Variants in PCDH9 observed in about 807,000 individuals in gnomAD.
PCDH9 encodes the protein protocadherin-9.
A neutral mutation model predicts 70.6 loss-of-function variants in PCDH9; 24 were observed. The observed-to-expected ratio is 0.34, with a 90% CI of 0.25 to 0.48. The LOEUF (loss-of-function observed/expected upper bound fraction) is 0.48, where lower values mean the gene tolerates loss of function less well. Ranked by LOEUF, PCDH9 falls within the 20% of genes least tolerant of loss-of-function variation. PCDH9 has a pLI of 0.99. For missense variants in PCDH9, 1,281 were observed against 1,503.6 expected (o/e 0.85, Z 2.45); for synonymous variants, 562 against 558.5 (o/e 1.01, Z -0.09).
intron 4 of PCDH9, among the ~76,000 whole-genome samples, chr13:66,625,985 A>G (rs2077493392): frequency 6.6e-6 from 1 of 152,120 alleles, no homozygotes; most frequent in South Asian, 2.1e-4. Context: ...TTTATAATTC[A>G]TTGATTAGAT....
At chr13:66,333,354 G>C (rs1281401279) in intron 4 of PCDH9, among the ~76,000 whole-genome samples, 1 of 152,126 alleles carries the variant, frequency 6.6e-6, no homozygotes, top group Non-Finnish European at 1.5e-5. Context: ...ATAGCACTGA[G>C]GTAGAAATGA....
chr13:67,037,443 G>A (rs574223081), intron 2 of PCDH9, among the ~76,000 whole-genome samples: 1 of 152,234 alleles, frequency 6.6e-6, no homozygotes, highest in South Asian at 2.1e-4. Flanking sequence ...TACTCCAAAA[G>A]TGTTATTTTA....
At chr13:66,822,007 T>C (rs759643625) in intron 3 of PCDH9, among the ~76,000 whole-genome samples, 7 of 152,302 alleles carry the variant, frequency 4.6e-5, no homozygotes, top group Non-Finnish European at 7.4e-5. Context: ...TTATTGAATT[T>C]GATGCCTCAA....
chr13:66,934,624 T>C (rs1242040871), intron 2 of PCDH9, among the ~76,000 whole-genome samples: 2 of 146,976 alleles, frequency 1.4e-5, no homozygotes, highest in African/African-American at 2.5e-5. Flanking sequence ...AAAAGCAGAA[T>C]AGTTGTATGC....
At chr13:67,161,738 G>A (rs1355894429) in intron 2 of PCDH9, among the ~76,000 whole-genome samples, 1 of 152,176 alleles carries the variant, frequency 6.6e-6, no homozygotes, top group Non-Finnish European at 1.5e-5. Context: ...ATGTGAGCAG[G>A]GAGAGGGAAA....
intron 2 of PCDH9, among the ~76,000 whole-genome samples, chr13:67,027,485 T>C (rs1203366380): frequency 6.6e-6 from 1 of 152,120 alleles, no homozygotes; most frequent in Non-Finnish European, 1.5e-5. Context: ...ACCTAGGCAT[T>C]ACCATTCAGG....
At chr13:66,991,638 A>G (rs1309521962) in intron 2 of PCDH9, among the ~76,000 whole-genome samples, 1 of 152,108 alleles carries the variant, frequency 6.6e-6, no homozygotes, top group Admixed American at 6.6e-5. Flanking sequence ...TTTTCACCTG[A>G]ACTCAAGTCT....
chr13:67,198,765 T>C (rs1254641922), intron 2 of PCDH9, among the ~76,000 whole-genome samples: 2 of 151,956 alleles, frequency 1.3e-5, no homozygotes, highest in African/African-American at 4.8e-5. Flanking sequence ...TATGTGTTCA[T>C]ATGAATAAAT....
intron 3 of PCDH9, among the ~76,000 whole-genome samples, chr13:66,753,776 T>C (rs1480730637): frequency 2.0e-5 from 3 of 152,108 alleles, no homozygotes; most frequent in Non-Finnish European, 4.4e-5. Context: ...GAAATGATAC[T>C]ATACTTCTTT....
intron 2 of PCDH9, among the ~76,000 whole-genome samples, chr13:67,098,950 A>C (rs2086378019): frequency 6.6e-6 from 1 of 152,272 alleles, no homozygotes; most frequent in South Asian, 2.1e-4. Context: ...ATAAATTACA[A>C]AGTATTTGCA....
intron 3 of PCDH9, among the ~76,000 whole-genome samples, chr13:66,779,849 C>CTCTCTCTATATATATA (rs1395244975): frequency 7.6e-5 from 6 of 78,910 alleles, no homozygotes; most frequent in African/African-American, 3.1e-4. Flanking sequence ...CTCTCTCTCT[C>CTCTCTCTATATATATA]TATATATATA....
chr13:67,168,913 A>G (rs988227702), intron 2 of PCDH9, among the ~76,000 whole-genome samples: 3 of 152,206 alleles, frequency 2.0e-5, no homozygotes, highest in African/African-American at 4.8e-5. Flanking sequence ...GAATGACGGT[A>G]TGTCACATTA....
chr13:66,354,717 A>C (rs1248941968), intron 4 of PCDH9, among the ~76,000 whole-genome samples: 1 of 152,146 alleles, frequency 6.6e-6, no homozygotes, highest in East Asian at 1.9e-4. Context: ...TTAGCTATGT[A>C]ATAAATATGC....
At chr13:66,536,641 C>A (rs905450102) in intron 4 of PCDH9, among the ~76,000 whole-genome samples, 1 of 151,992 alleles carries the variant, frequency 6.6e-6, no homozygotes, top group South Asian at 2.1e-4. Flanking sequence ...AAAATGTTAA[C>A]TGAATTCTAC....
At chr13:66,995,099 C>T (rs902226830) in intron 2 of PCDH9, among the ~76,000 whole-genome samples, 6 of 152,108 alleles carry the variant, frequency 3.9e-5, no homozygotes, top group Admixed American at 3.3e-4. Flanking sequence ...CAAATTTAAA[C>T]CCGGAAGGGT....
intron 2 of PCDH9, among the ~76,000 whole-genome samples, chr13:67,063,197 T>G (rs1037529983): frequency 3.3e-5 from 5 of 152,126 alleles, no homozygotes; most frequent in African/African-American, 1.2e-4. Flanking sequence ...CATTGCTGGT[T>G]GCTATGGCAT....
At chr13:67,061,061 T>C (rs1469332145) in intron 2 of PCDH9, among the ~76,000 whole-genome samples, 2 of 152,128 alleles carry the variant, frequency 1.3e-5, no homozygotes, top group Non-Finnish European at 2.9e-5. Flanking sequence ...ACTGCTTTTG[T>C]ACTCATATGA....
intron 2 of PCDH9, among the ~76,000 whole-genome samples, chr13:66,908,854 C>A (rs879367580): frequency 1.3e-5 from 2 of 152,048 alleles, no homozygotes; most frequent in African/African-American, 4.8e-5. Context: ...TGCAGTGACA[C>A]ATATTTTGAT....
At chr13:66,505,094 T>C (rs991741636) in intron 4 of PCDH9, among the ~76,000 whole-genome samples, 4 of 152,210 alleles carry the variant, frequency 2.6e-5, no homozygotes, top group Non-Finnish European at 5.9e-5. Context: ...TGCTAATTTA[T>C]TTCATTTCTC....
Sources: allele counts gnomAD v4.1 joint callset (sites outside exome capture counted in the v4.1 genomes callset), GRCh38; gene constraint gnomAD v4.1.1; transcripts MANE v1.5; gene names NCBI Gene and HGNC (gene_info 2026-07-23, HGNC 2026-07-21).